Variants in TRAPPC12 observed in about 807,000 individuals in gnomAD.
TRAPPC12 encodes trafficking protein particle complex subunit 12.
In TRAPPC12, 61 loss-of-function variants were observed where a neutral mutation model predicts 69.2. The ratio of observed to expected loss-of-function variants is 0.88; its 90% CI spans 0.72 to 1.09. TRAPPC12 has a LOEUF of 1.09. TRAPPC12 is among the 50% of genes least tolerant of loss of function. TRAPPC12 has a pLI of 0.00. For synonymous variants in TRAPPC12, 469 were observed against 438.9 expected (o/e 1.07, Z -0.86); for missense variants, 1,101 against 1,016.4 (o/e 1.08, Z -1.13).
At chr2:3,475,899 C>T (rs1666272968) in intron 9 of TRAPPC12, among the ~76,000 whole-genome samples, 1 of 152,236 alleles carries the variant, frequency 6.6e-6, no homozygotes, top group African/African-American at 2.4e-5. Context: ...CCACGGCCGC[C>T]GGCACACGTT....
intron 8 of TRAPPC12, among the ~76,000 whole-genome samples, chr2:3,464,760 C>T (rs1014972633): frequency 1.3e-5 from 2 of 152,236 alleles, no homozygotes; most frequent in Admixed American, 6.5e-5. Flanking sequence ...ACGGAGACCG[C>T]GTTGCTCACA....
chr2:3,448,075 G>T (rs1447608768), intron 6 of TRAPPC12, among the ~76,000 whole-genome samples: 1 of 152,264 alleles, frequency 6.6e-6, no homozygotes, highest in Non-Finnish European at 1.5e-5. Flanking sequence ...CTGCATGGAT[G>T]TGTGAGGTGC....
chr2:3,417,335 C>T (rs1029581456), intron 3 of TRAPPC12, among the ~76,000 whole-genome samples: 4 of 152,292 alleles, frequency 2.6e-5, no homozygotes, highest in African/African-American at 9.6e-5. Flanking sequence ...CTCCCCCCAC[C>T]GCCCCCGCTG....
At chr2:3,472,299 C>T (rs1030646665) in intron 9 of TRAPPC12, 1 of 152,314 alleles carries the variant, frequency 6.6e-6, no homozygotes, top group Non-Finnish European at 1.5e-5. Flanking sequence ...ACCCCAGGCT[C>T]CAGGAGGGGT....
intron 1 of TRAPPC12, 62 bp from the exon 2 acceptor site, chr2:3,387,558 A>G: frequency 7.7e-7 from 1 of 1,299,792 alleles, no homozygotes; most frequent in South Asian, 1.6e-5. Flanking sequence ...AGCAATACTC[A>G]TTTTTCGGTT....
chr2:3,478,653 A>T, intron 10 of TRAPPC12, 193 bp from the exon 11 acceptor site: 1 of 546,358 alleles, frequency 1.8e-6, no homozygotes, highest in East Asian at 3.0e-5. Context: ...AAATAAATAA[A>T]AACTAGAGTG....
At position 3,388,528 on chromosome 2, in the gene TRAPPC12, A is replaced by G; in HGVS notation, c.905A>G (p.Glu302Gly). ...DPFATALSMS[E>G]MDRRNDAWLP... is the part of the protein sequence containing the mutation. ...TTTGCCACCGCCCTGAGCATGAGCG[A>G]GATGGACCGGAGGAACGACGCCTGG... is the stretch of plus-strand genomic sequence containing the variant. Residue 302 changes from glutamate to glycine, a missense_variant, in exon 2 of 12, where the codon GAG becomes GGG. Coordinates refer to ENST00000324266, the MANE Select transcript of TRAPPC12 (RefSeq NM_016030.6). 6.2e-7 allele frequency: 1 copy of G among 1,613,052 alleles called. No homozygotes were observed. The highest frequency in any genetic ancestry group is 8.5e-7 in the Non-Finnish European group (1 of 1,179,726).
intron 6 of TRAPPC12, among the ~76,000 whole-genome samples, chr2:3,452,392 G>A (rs1363630080): frequency 2.6e-5 from 4 of 152,184 alleles, no homozygotes; most frequent in African/African-American, 7.2e-5. Flanking sequence ...CAGGCCACAC[G>A]CAAGGGATGG....
chr2:3,444,221 C>G (rs1664386884), intron 6 of TRAPPC12, among the ~76,000 whole-genome samples: 2 of 152,210 alleles, frequency 1.3e-5, no homozygotes. Context: ...CCCCTGTGTC[C>G]CACAAGTGCC....
Position 3,458,281 on chromosome 2 carries a change from A to T in TRAPPC12, c.1603+588A>T, listed in dbSNP as rs981030449. ...GTTAGCCAGGAGCAAGCTTCCGATC[A>T]TGCTTGGAAACCTGGCCTGAGTGCT... On this transcript the variant is annotated intron_variant, in intron 7 of 11. Coordinates refer to ENST00000324266, the MANE Select transcript of TRAPPC12 (RefSeq NM_016030.6). 3 of 986,958 alleles carry T rather than the reference A, an allele frequency of 3.0e-6. 1 individual carries two copies. Among genetic ancestry groups the T allele is most frequent in the South Asian group, 9.3e-5 (2 of 21,428 alleles). 61.1% of individuals were successfully genotyped at this position (986,958 alleles called of 1,614,324 possible).
chr2:3,402,489 T>C (rs568947449), intron 3 of TRAPPC12, among the ~76,000 whole-genome samples: 28 of 152,260 alleles, frequency 1.8e-4, no homozygotes, highest in African/African-American at 6.0e-4. Flanking sequence ...CTCAGGAGGC[T>C]GAGGCAGGAG....
chr2:3,466,454 C>G (rs878922721), intron 9 of TRAPPC12: 79 of 460,770 alleles, frequency 1.7e-4, no homozygotes, highest in South Asian at 1.2e-3. Flanking sequence ...TTTTACAGAT[C>G]AGCAAACTGA....
chr2:3,434,364 T>G (rs1663632768), intron 5 of TRAPPC12, among the ~76,000 whole-genome samples: 1 of 152,250 alleles, frequency 6.6e-6, no homozygotes, highest in Admixed American at 6.5e-5. Context: ...GTGTTTTTCT[T>G]TCTGATTTAA....
chr2:3,465,153 A>G (rs1665738033), intron 8 of TRAPPC12, among the ~76,000 whole-genome samples: 1 of 152,204 alleles, frequency 6.6e-6, no homozygotes, highest in Admixed American at 6.5e-5. Flanking sequence ...CTTAATTTCT[A>G]GCATAGAAAA....
intron 3 of TRAPPC12, among the ~76,000 whole-genome samples, chr2:3,406,837 G>A (rs1661760996): frequency 6.6e-6 from 1 of 152,114 alleles, no homozygotes; most frequent in Non-Finnish European, 1.5e-5. Context: ...TTTTTCTACA[G>A]GCTATTTTTT....
intron 5 of TRAPPC12, among the ~76,000 whole-genome samples, chr2:3,433,704 G>C (rs1466319552): frequency 6.6e-6 from 1 of 152,088 alleles, no homozygotes; most frequent in African/African-American, 2.4e-5. Context: ...AACAAGGGAC[G>C]GTCTGAAATA....
chr2:3,415,547 G>A (rs1407039250), intron 3 of TRAPPC12, among the ~76,000 whole-genome samples: 4 of 151,246 alleles, frequency 2.6e-5, no homozygotes, highest in African/African-American at 9.7e-5. Flanking sequence ...GGGATTACAG[G>A]TGCTCACCAC....
chr2:3,450,004 G>A (rs927497572), intron 6 of TRAPPC12, among the ~76,000 whole-genome samples: 2 of 151,946 alleles, frequency 1.3e-5, no homozygotes, highest in Admixed American at 6.6e-5. Context: ...AAGAAGAAGA[G>A]GGAGCGGAAA....
rs755284763 is a variant in TRAPPC12 at position 3,479,318 on chromosome 2, C to G, written c.2065C>G (p.Leu689Val). The part of the protein sequence containing the change: ...AMVQQDPRHY[L>V]HESVLFNLTT... ...GGTCCAGCAGGACCCCAGGCACTAC[C>G]TGCACGAGAGCGTGCTCTTCAACCT... The change falls in exon 12 of 12, where the codon CTG (leucine) becomes GTG (valine). Residue 689 changes from leucine (L) to valine (V), a missense_variant. Transcript: ENST00000324266. The G allele has an allele frequency of 1.9e-6, 3 of 1,614,106 alleles. No homozygotes were observed. Among genetic ancestry groups the G allele is most frequent in the Non-Finnish European group, 2.5e-6 (3 of 1,180,050 alleles).
Sources: gnomAD v4.1 joint callset for allele counts (sites outside exome capture counted in the v4.1 genomes callset) on GRCh38, gnomAD v4.1.1 for gene constraint, MANE v1.5 for transcripts, NCBI Gene and HGNC (gene_info 2026-07-23, HGNC 2026-07-21) for gene names.